Variants in SLIT2 observed in about 807,000 individuals in gnomAD.
SLIT2 encodes slit homolog 2 protein.
SLIT2 carries 41 observed loss-of-function variants against 185.7 expected under a neutral mutation model. The ratio of observed to expected loss-of-function variants is 0.22; its 90% CI spans 0.17 to 0.29. The LOEUF (loss-of-function observed/expected upper bound fraction) is 0.29. Among genes scored for constraint, SLIT2 ranks in the 10% least tolerant of loss-of-function variants. SLIT2 has a pLI of 1.00. For missense variants in SLIT2, 1,571 were observed against 1,909.0 expected, an observed-to-expected ratio of 0.82 and a Z score of 3.30; for synonymous variants, 693 against 680.2, an observed-to-expected ratio of 1.02 and a Z score of -0.29.
intron 9 of SLIT2, among the ~76,000 whole-genome samples, chr4:20,507,570 A>T (rs922681674): frequency 2.6e-5 from 4 of 151,824 alleles, no homozygotes; most frequent in African/African-American, 9.6e-5. Context: ...ACTTTCACAA[A>T]TGTATGAACA....
intron 18 of SLIT2, among the ~76,000 whole-genome samples, chr4:20,535,083 G>C (rs1433678858): frequency 6.6e-6 from 1 of 151,992 alleles, no homozygotes; most frequent in African/African-American, 2.4e-5. Context: ...GGCAGATCAC[G>C]AGGTCAGGAG....
At chr4:20,486,090 G>C in intron 6 of SLIT2, 110 bp from the exon 7 acceptor site, 1 of 687,188 alleles carries the variant, frequency 1.5e-6, no homozygotes, top group Non-Finnish European at 2.6e-6. Flanking sequence ...ATCTCTACCA[G>C]GTAGCTGTCC....
intron 4 of SLIT2, among the ~76,000 whole-genome samples, chr4:20,337,050 A>C (rs1269587759): frequency 1.3e-5 from 2 of 152,128 alleles, no homozygotes. Flanking sequence ...TTTTATTAGA[A>C]TTCTTTTAGT....
At chr4:20,558,133 A>G (rs977524855) in intron 26 of SLIT2, among the ~76,000 whole-genome samples, 7 of 152,066 alleles carry the variant, frequency 4.6e-5, no homozygotes, top group African/African-American at 1.7e-4. Context: ...AGAATATTAT[A>G]TAAACTTAGT....
chr4:20,583,811 A>AAAT (rs1394060998), intron 29 of SLIT2, among the ~76,000 whole-genome samples: 8 of 151,576 alleles, frequency 5.3e-5, no homozygotes, highest in African/African-American at 7.3e-5. Flanking sequence ...TCCATCACAA[A>AAAT]AATAATAATA....
intron 25 of SLIT2, among the ~76,000 whole-genome samples, chr4:20,552,178 A>C (rs1723818664): frequency 6.6e-6 from 1 of 152,192 alleles, no homozygotes; most frequent in African/African-American, 2.4e-5. Context: ...GCCCTCAGGC[A>C]GAGAATGCAG....
At chr4:20,523,625 T>C in intron 12 of SLIT2, 135 bp from the exon 13 acceptor site, 2 of 693,236 alleles carry the variant, frequency 2.9e-6, no homozygotes, top group Non-Finnish European at 4.9e-6. Context: ...AATTCCTAAA[T>C]TATTAAAGTT....
At chr4:20,573,316 A>G in intron 29 of SLIT2, 2 of 702,842 alleles carry the variant, frequency 2.8e-6, no homozygotes, top group Non-Finnish European at 2.6e-6. Context: ...TCTTTCTTGT[A>G]AAGTTACATA....
chr4:20,315,524 A>G (rs1457378732), intron 4 of SLIT2, among the ~76,000 whole-genome samples: 2 of 152,118 alleles, frequency 1.3e-5, no homozygotes, highest in Non-Finnish European at 2.9e-5. Context: ...AAGAATGTGT[A>G]TCAAATTGTA....
chr4:20,614,650 G>T (rs1471791805), intron 34 of SLIT2, among the ~76,000 whole-genome samples: 2 of 151,750 alleles, frequency 1.3e-5, no homozygotes, highest in Non-Finnish European at 2.9e-5. Flanking sequence ...GGTGGTGCAT[G>T]CCTGTAATCC....
chr4:20,587,875 GTTTC>G (rs1727192381), intron 29 of SLIT2, among the ~76,000 whole-genome samples: 1 of 152,114 alleles, frequency 6.6e-6, no homozygotes, highest in South Asian at 2.1e-4. Context: ...TTTTAAAACA[GTTTC>G]TTATTTAGGC....
At chr4:20,561,341 C>T (rs1024765748) in intron 26 of SLIT2, among the ~76,000 whole-genome samples, 1 of 151,714 alleles carries the variant, frequency 6.6e-6, no homozygotes. Flanking sequence ...TTCTGGAATT[C>T]CTGTGAAAAA....
chr4:20,331,922 A>G (rs563287246), intron 4 of SLIT2, among the ~76,000 whole-genome samples: 9 of 152,246 alleles, frequency 5.9e-5, no homozygotes, highest in East Asian at 5.8e-4. Flanking sequence ...AATATTTTCA[A>G]TGTTCTTTCA....
At chr4:20,545,466 T>C (rs1019935817) in intron 21 of SLIT2, among the ~76,000 whole-genome samples, 1 of 151,466 alleles carries the variant, frequency 6.6e-6, no homozygotes, top group African/African-American at 2.4e-5. Context: ...TACATATATA[T>C]ATATATATAT....
chr4:20,410,437 G>T lies in SLIT2; in HGVS notation c.396-57315G>T, dbSNP rs550252030. ...CTAATTTTTTTTTTTTGTATTGTTA[G>T]TAGAGATGGGGTTTCACCATGTTGG... On this transcript the variant is annotated intron_variant, in intron 4 of 36. Transcript: ENST00000504154. Among the ~76,000 whole-genome samples, 48 of 150,370 alleles carry T rather than the reference G, an allele frequency of 3.2e-4. No homozygotes were observed. In the East Asian group the frequency reaches 8.2e-3, roughly 26 times the overall value.
chr4:20,582,279 C>T (rs906216738), intron 29 of SLIT2, among the ~76,000 whole-genome samples: 6 of 152,216 alleles, frequency 3.9e-5, no homozygotes, highest in African/African-American at 1.4e-4. Context: ...CCACTTCACC[C>T]TTGCCTCTGA....
At chr4:20,535,198 C>G (rs1250936949) in intron 18 of SLIT2, among the ~76,000 whole-genome samples, 1 of 151,932 alleles carries the variant, frequency 6.6e-6, no homozygotes, top group Non-Finnish European at 1.5e-5. Flanking sequence ...ACTCGGGAGG[C>G]TGAGGCAGAA....
At chr4:20,467,147 A>C (rs1263057091) in intron 4 of SLIT2, among the ~76,000 whole-genome samples, 1 of 152,210 alleles carries the variant, frequency 6.6e-6, no homozygotes, top group Non-Finnish European at 1.5e-5. Flanking sequence ...TTTTATGATT[A>C]TAATAGAATT....
At chr4:20,580,487 C>T (rs1460256741) in intron 29 of SLIT2, among the ~76,000 whole-genome samples, 1 of 151,844 alleles carries the variant, frequency 6.6e-6, no homozygotes, top group African/African-American at 2.4e-5. Context: ...AGATCATCTG[C>T]AAACTTACCA....
Sources: gnomAD v4.1 joint callset for allele counts (sites outside exome capture counted in the v4.1 genomes callset) on GRCh38, gnomAD v4.1.1 for gene constraint, MANE v1.5 for transcripts, NCBI Gene and HGNC (gene_info 2026-07-23, HGNC 2026-07-21) for gene names.